The following CCDC3 variants were observed in gnomAD, a reference collection of about 807,000 sequenced individuals.
The protein encoded by CCDC3 is coiled-coil domain containing 3.
A neutral mutation model predicts 21.4 loss-of-function variants in CCDC3; 24 were observed. The observed-to-expected ratio is 1.12, with a 90% CI of 0.81 to 1.58. The LOEUF (loss-of-function observed/expected upper bound fraction) is 1.58, where lower values mean the gene tolerates loss of function less well. CCDC3 is among the 40% of genes most tolerant of loss of function. The pLI is 0.00. For synonymous variants in CCDC3, 186 were observed against 166.0 expected, an observed-to-expected ratio of 1.12 and a Z score of -0.93; for missense variants, 425 against 360.9, an observed-to-expected ratio of 1.18 and a Z score of -1.44.
intron 4 of CCDC3, among the ~76,000 whole-genome samples, chr10:13,056,099 G>A (rs1235812854): frequency 1.3e-5 from 2 of 152,098 alleles, no homozygotes; most frequent in African/African-American, 4.8e-5. Flanking sequence ...AAATTTCAAT[G>A]GCTTCACACA....
At chr10:12,918,779 C>T (rs1834398886) in intron 2 of CCDC3, among the ~76,000 whole-genome samples, 1 of 152,174 alleles carries the variant, frequency 6.6e-6, no homozygotes, top group Non-Finnish European at 1.5e-5. Flanking sequence ...GTTGGCCGGG[C>T]ACGGTGGCTC....
chr10:13,085,172 A>G (rs537924783), intron 3 of CCDC3, among the ~76,000 whole-genome samples: 343 of 152,290 alleles, frequency 2.3e-3, no homozygotes, highest in Admixed American at 3.7e-3. Context: ...AGATCAAGGC[A>G]CTGGAGTCTG....
chr10:12,925,984 G>T (rs1414399529), intron 2 of CCDC3, among the ~76,000 whole-genome samples: 5 of 152,250 alleles, frequency 3.3e-5, no homozygotes, highest in African/African-American at 1.2e-4. Flanking sequence ...GAATTTGTAG[G>T]GGCAGTTGGG....
chr10:13,084,189 T>G (rs1837075206), intron 3 of CCDC3, among the ~76,000 whole-genome samples: 1 of 152,172 alleles, frequency 6.6e-6, no homozygotes, highest in African/African-American at 2.4e-5. Flanking sequence ...TAAATGAGTA[T>G]TATACCTAGG....
At chr10:12,978,614 G>A (rs1382670597) in intron 2 of CCDC3, among the ~76,000 whole-genome samples, 3 of 152,080 alleles carry the variant, frequency 2.0e-5, no homozygotes, top group South Asian at 4.2e-4. Flanking sequence ...CCAACCTGGG[G>A]TCTGCAGGGA....
chr10:13,044,857 T>C (rs188409155), intron 5 of CCDC3, among the ~76,000 whole-genome samples: 43 of 152,346 alleles, frequency 2.8e-4, no homozygotes, highest in African/African-American at 1.0e-3. Context: ...AGAAATAGTG[T>C]TGAATCTGTA....
At chr10:13,091,982 T>C (rs1832578389) in intron 3 of CCDC3, among the ~76,000 whole-genome samples, 7 of 152,152 alleles carry the variant, frequency 4.6e-5, no homozygotes, top group Admixed American at 4.6e-4. Context: ...TGTTGTGTCA[T>C]ACAGCCTTGC....
intron 2 of CCDC3, among the ~76,000 whole-genome samples, chr10:12,966,085 G>C (rs528979484): frequency 1.3e-5 from 2 of 152,020 alleles, no homozygotes; most frequent in Non-Finnish European, 2.9e-5. Context: ...CTCTATCACC[G>C]TCTGTGGGCA....
chr10:13,064,021 T>C (rs1836794407), intron 4 of CCDC3, among the ~76,000 whole-genome samples: 1 of 150,842 alleles, frequency 6.6e-6, no homozygotes. Flanking sequence ...TCCGCCTCCC[T>C]GATTCAAGTG....
At chr10:12,920,676 G>C (rs925291217) in intron 2 of CCDC3, among the ~76,000 whole-genome samples, 1 of 152,192 alleles carries the variant, frequency 6.6e-6, no homozygotes, top group Non-Finnish European at 1.5e-5. Flanking sequence ...TGTATGAGAA[G>C]TTTTGAACAC....
At chr10:13,044,345 G>A (rs537603280) in intron 5 of CCDC3, among the ~76,000 whole-genome samples, 2 of 152,280 alleles carry the variant, frequency 1.3e-5, no homozygotes, top group African/African-American at 4.8e-5. Flanking sequence ...CTTTGCAGAA[G>A]CCCTTTAATT....
Position 12,977,797 on chromosome 10 carries a change from G to C in CCDC3, c.549+20541C>G, listed in dbSNP as rs187933691. Among the ~76,000 whole-genome samples the C allele has an allele frequency of 4.6e-5, 7 of 152,246 alleles. No individual in the cohort carries two copies. In the East Asian group the frequency reaches 1.4e-3, roughly 29 times the overall value. ...ATCAAGTTCCTATTGTTCATGAAAA[G>C]AATTGCATTTAAAAGGTAAGAATCA... On this transcript the variant is annotated intron_variant, in intron 2 of 2. Transcript: ENST00000378825.
At position 13,052,577 on chromosome 10, in the gene CCDC3, C is replaced by T. The variant is rs187407470; in HGVS notation, c.-269-2636G>A. ...TGTACAATGCTGCACCTATCGCTAACGATACTGTCTTGTGCCCATAAAATT... is the reference window on the plus strand; with the variant it reads ...TGTACAATGCTGCACCTATCGCTAATGATACTGTCTTGTGCCCATAAAATT... On this transcript the variant is annotated intron_variant, in intron 4 of 6. Transcript: ENST00000378839. Among the ~76,000 whole-genome samples the T allele has an allele frequency of 5.3e-5, 8 of 152,260 alleles. No homozygotes were observed. In the East Asian group the frequency reaches 1.2e-3, roughly 22 times the overall value.
At chr10:12,975,285 C>G (rs755110874) in intron 2 of CCDC3, among the ~76,000 whole-genome samples, 27 of 152,164 alleles carry the variant, frequency 1.8e-4, no homozygotes, top group Admixed American at 1.7e-3. Context: ...GCTCAGTCCT[C>G]CCTCCACCCA....
chr10:12,998,353 G>C lies in CCDC3; in HGVS notation c.534C>G (p.Ile178Met), dbSNP rs774014876. 1.1e-5 allele frequency: 17 copies of C among 1,613,964 alleles called. No homozygotes were observed. The highest frequency in any genetic ancestry group is 3.3e-5 in the Admixed American group (2 of 59,988). The change falls in exon 2 of 3, where the codon ATC (isoleucine) becomes ATG (methionine). Residue 178 changes from isoleucine (I) to methionine (M), a missense_variant. Ile to Met is a conservative substitution (Grantham distance 10). Transcript: ENST00000378825. ...CAATTCTTACCCTACTGTCTTCCTGGATTTCCCAGTCACTGGAGAAAGTCG... is the reference window on the plus strand; with the variant it reads ...CAATTCTTACCCTACTGTCTTCCTGCATTTCCCAGTCACTGGAGAAAGTCG... ...QLATFSSDWE[I>M]QEDSRLMCSS... is the part of the protein sequence containing the mutation.
chr10:13,075,434 C>T (rs1418880341), intron 3 of CCDC3, among the ~76,000 whole-genome samples: 4 of 96,548 alleles, frequency 4.1e-5, no homozygotes, highest in African/African-American at 8.5e-5. Context: ...TCATCAGACA[C>T]GTTTGTTTTT....
intron 5 of CCDC3, among the ~76,000 whole-genome samples, chr10:13,010,431 C>T (rs957756219): frequency 6.6e-6 from 1 of 152,168 alleles, no homozygotes; most frequent in African/African-American, 2.4e-5. Context: ...TACTCCTACA[C>T]ATCTACTTGA....
rs551473914 is a variant in CCDC3 at position 13,031,720 on chromosome 10, C to T, written c.-2+17954G>A. The stretch of plus-strand genomic sequence containing the variant: ...AGAGAATACTATAAACACCTCTACA[C>T]AAATAAACTAGAAAATCTAGAAGAA... On this transcript the variant is annotated intron_variant, in intron 5 of 6. Transcript: ENST00000378839. Among the ~76,000 whole-genome samples the T allele has an allele frequency of 1.1e-4, 17 of 152,270 alleles. 1 individual carries two copies. The highest frequency in any genetic ancestry group is 1.0e-3 in the Admixed American group (16 of 15,282).
chr10:13,052,668 G>A (rs1408165313), intron 4 of CCDC3, among the ~76,000 whole-genome samples: 1 of 152,040 alleles, frequency 6.6e-6, no homozygotes. Flanking sequence ...TCCTGGGCAT[G>A]GTGGCTCATG....
Sources: gnomAD v4.1 joint callset for allele counts (sites outside exome capture counted in the v4.1 genomes callset) on GRCh38, gnomAD v4.1.1 for gene constraint, MANE v1.5 for transcripts, NCBI Gene and HGNC (gene_info 2026-07-23, HGNC 2026-07-21) for gene names.